LPP: variants seen among roughly 807,000 people sequenced by gnomAD.
LPP encodes the protein lipoma-preferred partner.
In LPP, 38 loss-of-function variants were observed where a neutral mutation model predicts 60.4. The ratio of observed to expected loss-of-function variants is 0.63; its 90% CI spans 0.49 to 0.83. LPP has a LOEUF of 0.83. Among genes scored for constraint, LPP ranks in the 40% least tolerant of loss-of-function variants. LPP has a pLI of 0.00. For synonymous variants in LPP, 328 were observed against 290.8 expected, an observed-to-expected ratio of 1.13 and a Z score of -1.30; for missense variants, 902 against 783.6, an observed-to-expected ratio of 1.15 and a Z score of -1.80.
intron 6 of LPP, among the ~76,000 whole-genome samples, chr3:188,601,495 TCA>T (rs2151218426): frequency 6.6e-6 from 1 of 152,310 alleles, no homozygotes; most frequent in Admixed American, 6.5e-5. Context: ...AATTATATAA[TCA>T]GTTTTCCTTC....
chr3:188,872,439 G>C (rs148321755), intron 10 of LPP, among the ~76,000 whole-genome samples: 21 of 152,210 alleles, frequency 1.4e-4, no homozygotes, highest in African/African-American at 4.8e-4. Flanking sequence ...CAATTCACAC[G>C]CTCACTCTCT....
At chr3:188,163,620 T>C (rs2148721118) in intron 1 of LPP, among the ~76,000 whole-genome samples, 1 of 151,990 alleles carries the variant, frequency 6.6e-6, no homozygotes, top group Middle Eastern at 3.4e-3. Flanking sequence ...ACTGTTTTTG[T>C]TAGAGGGGGT....
intron 4 of LPP, among the ~76,000 whole-genome samples, chr3:188,454,732 G>C (rs970094371): frequency 6.6e-6 from 1 of 152,098 alleles, no homozygotes; most frequent in Admixed American, 6.6e-5. Context: ...AAGCAAAAGC[G>C]GGAACCCCTG....
At chr3:188,592,546 G>GTTTTTTTTTTTTTTTTTT (rs1553936323) in intron 6 of LPP, among the ~76,000 whole-genome samples, 6 of 98,372 alleles carry the variant, frequency 6.1e-5, no homozygotes, top group Non-Finnish European at 7.0e-5. Flanking sequence ...ACTGTTTTTA[G>GTTTTTTTTTTTTTTTTTT]TTTTGTTTTT....
intron 9 of LPP, among the ~76,000 whole-genome samples, chr3:188,799,788 G>A (rs2151131591): frequency 6.6e-6 from 1 of 152,262 alleles, no homozygotes; most frequent in South Asian, 2.1e-4. Flanking sequence ...TAGAGAGGCA[G>A]CATGCTATAT....
At chr3:188,596,934 A>G (rs1424287276) in intron 6 of LPP, among the ~76,000 whole-genome samples, 1 of 152,122 alleles carries the variant, frequency 6.6e-6, no homozygotes, top group Non-Finnish European at 1.5e-5. Context: ...CAGCAACCCA[A>G]TTTGTCCCTA....
intron 3 of LPP, among the ~76,000 whole-genome samples, chr3:188,359,719 T>C (rs62291438): frequency 0.015 from 2,220 of 152,260 alleles, 25 homozygotes; most frequent in Non-Finnish European, 0.021. Context: ...CATGTTGTCT[T>C]ACAACTTGAG....
chr3:188,258,747 G>A (rs1200261653), intron 2 of LPP, among the ~76,000 whole-genome samples: 2 of 152,170 alleles, frequency 1.3e-5, no homozygotes, highest in Non-Finnish European at 2.9e-5. Context: ...CCGCATTAGG[G>A]GGCAGAAAGT....
At chr3:188,509,085 T>C (rs1814422776) in intron 5 of LPP, among the ~76,000 whole-genome samples, 1 of 152,052 alleles carries the variant, frequency 6.6e-6, no homozygotes, top group South Asian at 2.1e-4. Flanking sequence ...CTCCAGTATT[T>C]TCTTATTTTA....
chr3:188,269,740 T>A (rs983571845), intron 2 of LPP, among the ~76,000 whole-genome samples: 2 of 150,580 alleles, frequency 1.3e-5, no homozygotes, highest in Non-Finnish European at 3.0e-5. Flanking sequence ...AACCTCCGCC[T>A]CCTGGGTTCA....
intron 1 of LPP, among the ~76,000 whole-genome samples, chr3:188,207,277 G>A (rs947029433): frequency 2.7e-5 from 4 of 146,698 alleles, no homozygotes; most frequent in African/African-American, 7.6e-5. Context: ...TGTTGTCCAG[G>A]CTTGAGTGCA....
chr3:188,766,244 C>T (rs967015699), intron 9 of LPP, among the ~76,000 whole-genome samples: 3 of 151,908 alleles, frequency 2.0e-5, no homozygotes, highest in Admixed American at 6.6e-5. Context: ...TAATTATAGC[C>T]TTTTCCCAGA....
chr3:188,592,609 A>C (rs1839139950), intron 6 of LPP, among the ~76,000 whole-genome samples: 1 of 128,130 alleles, frequency 7.8e-6, no homozygotes, highest in Non-Finnish European at 1.6e-5. Context: ...CAGTGGGGCT[A>C]TCTTAGCTCA....
intron 7 of LPP, among the ~76,000 whole-genome samples, chr3:188,687,546 C>G (rs1412922445): frequency 6.6e-6 from 1 of 152,114 alleles, no homozygotes; most frequent in Non-Finnish European, 1.5e-5. Flanking sequence ...GAAGAAGGTG[C>G]CTGCTTCCCC....
At chr3:188,574,875 C>G (rs1290637748) in intron 6 of LPP, among the ~76,000 whole-genome samples, 3 of 152,088 alleles carry the variant, frequency 2.0e-5, no homozygotes, top group Non-Finnish European at 4.4e-5. Flanking sequence ...CTTCAAACTG[C>G]TCACTTTTTT....
intron 1 of LPP, among the ~76,000 whole-genome samples, chr3:188,207,270 T>C (rs1733543709): frequency 6.6e-6 from 1 of 150,582 alleles, no homozygotes; most frequent in African/African-American, 2.4e-5. Context: ...CTTGCCCTGT[T>C]GTCCAGGCTT....
intron 2 of LPP, among the ~76,000 whole-genome samples, chr3:188,250,920 CTCCCTTCCCTTCCCT>C (rs1161657769): frequency 0.042 from 852 of 20,062 alleles, 69 homozygotes; most frequent in Non-Finnish European, 0.052. Context: ...CCCTTCCTTC[CTCCCTTCCCTTCCCT>C]TCCCTTCCCT....
At chr3:188,224,098 C>A (rs1716826215) in intron 1 of LPP, among the ~76,000 whole-genome samples, 2 of 152,072 alleles carry the variant, frequency 1.3e-5, no homozygotes, top group Non-Finnish European at 1.5e-5. Flanking sequence ...CTCATGTGAC[C>A]AAGCACAAGT....
At chr3:188,756,110 GT>G (rs1206267656) in intron 8 of LPP, among the ~76,000 whole-genome samples, 1 of 152,188 alleles carries the variant, frequency 6.6e-6, no homozygotes, top group Non-Finnish European at 1.5e-5. Flanking sequence ...TGATTAGGTA[GT>G]AGGCATGTGG....
Sources: allele counts gnomAD v4.1 joint callset (sites outside exome capture counted in the v4.1 genomes callset), GRCh38; gene constraint gnomAD v4.1.1; transcripts MANE v1.5; gene names NCBI Gene and HGNC (gene_info 2026-07-23, HGNC 2026-07-21).